Variants in ZNF577 observed in about 807,000 individuals in gnomAD.
ZNF577 encodes the protein zinc finger protein 577.
Under a neutral mutation model 13.9 loss-of-function variants are expected in ZNF577, and 14 were observed. The observed-to-expected ratio is 1.00, with a 90% confidence interval of 0.66 to 1.57. The LOEUF (loss-of-function observed/expected upper bound fraction) is 1.57, where lower values mean the gene tolerates loss of function less well. Ranked by LOEUF, ZNF577 falls within the 40% of genes most tolerant of loss-of-function variation. The pLI is 0.00. For synonymous variants in ZNF577, 203 were observed against 202.9 expected (o/e 1.00, Z 0.00); for missense variants, 555 against 579.2 (o/e 0.96, Z 0.43).
In ZNF577 at chr19:51,811,063, G is replaced by A. The variant is rs897428976; in HGVS notation, c.*817+394C>T. On this transcript the variant is annotated intron_variant and NMD_transcript_variant, in intron 10 of 10. Coordinates refer to the ZNF577 transcript ENST00000638827. ...TTATTTTCATCTGGAGCTGTGAGTG[G>A]GACAACAGATTCTTTCAGATTTTTA... is the stretch of plus-strand genomic sequence containing the variant. 4.0e-5 allele frequency among the ~76,000 whole-genome samples: 6 copies of A among 151,868 alleles called. No individual in the cohort carries two copies. In the South Asian group the frequency reaches 6.3e-4, roughly 16 times the overall value.
intron 5 of ZNF577, chr19:51,860,861 C>A: frequency 2.7e-6 from 1 of 376,536 alleles, no homozygotes; most frequent in South Asian, 1.9e-5. Context: ...CTCTCGTAAA[C>A]AAGATATTCA....
chr19:51,828,071 G>GA (rs2084241048), intron 9 of ZNF577, among the ~76,000 whole-genome samples: 2 of 152,124 alleles, frequency 1.3e-5, no homozygotes, highest in South Asian at 4.1e-4. Context: ...TGTAGCCATA[G>GA]AAAATAAGGA....
intron 9 of ZNF577, among the ~76,000 whole-genome samples, chr19:51,832,122 C>T (rs1257569072): frequency 6.6e-6 from 1 of 152,116 alleles, no homozygotes; most frequent in Non-Finnish European, 1.5e-5. Context: ...GAGCCTTTGA[C>T]GCCTCTGTTT....
rs1178925125 is a variant in ZNF577 at position 51,858,253 on chromosome 19, T to A, written c.284-13322A>T. Among the ~76,000 whole-genome samples, 3 of 152,240 alleles carry A rather than the reference T, an allele frequency of 2.0e-5. No homozygotes were observed. In the East Asian group the frequency reaches 5.8e-4, roughly 29 times the overall value. On this transcript the variant is annotated intron_variant and NMD_transcript_variant, in intron 5 of 10. Transcript: ENST00000638827. ...TCTCCGTGCTTGTTCACTCTATTCC[T>A]GAGTGCAATACCTATATGCAATGAC...
At chr19:51,804,482 G>C (rs1330397432), downstream of ZNF577, among the ~76,000 whole-genome samples, 1 of 151,970 alleles carries the variant, frequency 6.6e-6, no homozygotes, top group Non-Finnish European at 1.5e-5. Context: ...TCAAAACAAA[G>C]TTTTACAATT....
intron 5 of ZNF577, among the ~76,000 whole-genome samples, chr19:51,854,316 G>T (rs761101809): frequency 2.6e-5 from 4 of 151,456 alleles, no homozygotes; most frequent in African/African-American, 4.9e-5. Flanking sequence ...AGAAGGTAAT[G>T]AATTGATGCT....
Position 51,868,274 on chromosome 19 carries a change from C to A in ZNF577, c.*4258G>T, listed in dbSNP as rs149188760. ...GATGCAGTTGTTAATAGGCCAGTTC[C>A]GGACACTCCATAGGACACAGACACC... On this transcript the variant is annotated 3_prime_UTR_variant, in exon 6 of 6. Transcript: ENST00000638348. Among the ~76,000 whole-genome samples, 1 of 152,058 alleles carries A rather than the reference C, an allele frequency of 6.6e-6. No homozygotes were observed. The highest frequency in any genetic ancestry group is 2.4e-5 in the African/African-American group (1 of 41,394).
At chr19:51,877,160 G>A in intron 5 of ZNF577, 122 bp downstream of exon 5, 1 of 738,622 alleles carries the variant, frequency 1.4e-6, no homozygotes, top group Admixed American at 2.5e-5. Flanking sequence ...GGCTGATTAG[G>A]TTTCTGGGCC....
chr19:51,813,155 CACACA>C (rs2084109824), intron 9 of ZNF577, among the ~76,000 whole-genome samples: 3 of 151,248 alleles, frequency 2.0e-5, no homozygotes, highest in African/African-American at 7.3e-5. Flanking sequence ...CACACACACA[CACACA>C]CCCCATAAAT....
rs376874738 is a variant in ZNF577 at position 51,861,947 on chromosome 19, A to C, written c.283+15335T>G. 187 of 151,618 alleles carry C rather than the reference A, an allele frequency of 1.2e-3. 1 individual carries two copies. Among genetic ancestry groups the C allele is most frequent in the African/African-American group, 4.5e-3 (183 of 40,980 alleles). 9.4% of individuals were successfully genotyped at this position (151,618 alleles called of 1,614,324 possible). A position where few individuals can be genotyped will look rare whatever the true frequency, so the allele number is the denominator to read the frequency against. On this transcript the variant is annotated intron_variant and NMD_transcript_variant, in intron 5 of 10. Coordinates refer to the ZNF577 transcript ENST00000638827. The stretch of plus-strand genomic sequence containing the variant: ...AATGAGAGTTGACTTACAGGACAAA[A>C]CCTTCCCACATCCACTGTATCCATA...
intron 9 of ZNF577, among the ~76,000 whole-genome samples, chr19:51,837,666 A>G (rs1324378520): frequency 6.6e-6 from 1 of 152,132 alleles, no homozygotes; most frequent in African/African-American, 2.4e-5. Flanking sequence ...ACAAATAACT[A>G]TAGTAACAGA....
intron 5 of ZNF577, among the ~76,000 whole-genome samples, chr19:51,856,341 CAATTT>C (rs1343965390): frequency 1.3e-5 from 2 of 152,152 alleles, no homozygotes; most frequent in African/African-American, 2.4e-5. Flanking sequence ...AATACTGCAC[CAATTT>C]AATAATTGTG....
intron 5 of ZNF577, among the ~76,000 whole-genome samples, chr19:51,876,086 G>C (rs1288382866): frequency 1.3e-5 from 2 of 152,322 alleles, no homozygotes; most frequent in East Asian, 3.9e-4. Context: ...CTGAAGCTGA[G>C]GGAAGAAGAA....
At chr19:51,825,089 C>A (rs1272395105) in intron 9 of ZNF577, 1 of 328,734 alleles carries the variant, frequency 3.0e-6, no homozygotes, top group Non-Finnish European at 5.8e-6. Flanking sequence ...AGTTGAGACA[C>A]AAGTCACAAA....
intron 5 of ZNF577, among the ~76,000 whole-genome samples, chr19:51,874,198 G>A (rs2084717858): frequency 6.6e-6 from 1 of 152,102 alleles, no homozygotes; most frequent in South Asian, 2.1e-4. Context: ...ATAGATGGAG[G>A]GGATGGATGT....
chr19:51,833,943 G>T (rs1244623667), intron 9 of ZNF577, among the ~76,000 whole-genome samples: 1 of 152,160 alleles, frequency 6.6e-6, no homozygotes. Flanking sequence ...TGCATACAAT[G>T]TGTATAATAG....
intron 1 of ZNF577, among the ~76,000 whole-genome samples, chr19:51,884,551 T>A (rs2084912920): frequency 6.6e-6 from 1 of 152,070 alleles, no homozygotes; most frequent in Admixed American, 6.6e-5. Flanking sequence ...CAGAGATGAC[T>A]CCAATATTAT....
At chr19:51,825,627 T>C (rs1215920362) in intron 9 of ZNF577, 1 of 167,076 alleles carries the variant, frequency 6.0e-6, no homozygotes, top group Non-Finnish European at 1.5e-5. Context: ...CCAACATACA[T>C]CTTAATACCA....
chr19:51,805,173 T>C (rs1029400350), exon 11 of ZNF577: 4 of 152,222 alleles, frequency 2.6e-5, no homozygotes, highest in Middle Eastern at 3.2e-3. Context: ...CATATCCCCC[T>C]GTTTATGAAT....
Sources: gnomAD v4.1 joint callset for allele counts (sites outside exome capture counted in the v4.1 genomes callset) on GRCh38, gnomAD v4.1.1 for gene constraint, MANE v1.5 for transcripts, NCBI Gene and HGNC (gene_info 2026-07-23, HGNC 2026-07-21) for gene names.